Variants in ARL10 observed in about 807,000 individuals in gnomAD.
ARL10 encodes ARF like GTPase 10.
ARL10 carries 23 observed loss-of-function variants against 26.1 expected under a neutral mutation model. That is an observed-to-expected ratio of 0.88 (90% CI 0.63 to 1.25). ARL10 has a LOEUF of 1.25. Among genes scored for constraint, ARL10 ranks in the 50% most tolerant of loss-of-function variants. The pLI, the probability that ARL10 is intolerant of heterozygous loss-of-function variation, is 0.00. For synonymous variants in ARL10, 138 were observed against 149.1 expected (o/e 0.93, Z 0.54); for missense variants, 300 against 323.6 (o/e 0.93, Z 0.56).
At chr5:176,399,598 A>T (rs1020049847) in intron 1 of ARL10, among the ~76,000 whole-genome samples, 3 of 152,092 alleles carry the variant, frequency 2.0e-5, no homozygotes, top group Admixed American at 6.6e-5. Context: ...AGTTTTTTTA[A>T]TTATGGAAAA....
exon 2 of ARL10, chr5:176,388,603 A>C (rs1260649836): frequency 2.7e-6 from 4 of 1,485,754 alleles, no homozygotes; most frequent in Non-Finnish European, 1.9e-6. Flanking sequence ...TCGTGTAACA[A>C]ACTCCTTCCG....
chr5:176,393,819 G>A lies in ARL10; in HGVS notation c.134-7922G>A, dbSNP rs988924887. On this transcript the variant is annotated intron_variant, in intron 1 of 1. Coordinates refer to the ARL10 transcript ENST00000514533. This position sits in a 1 kb window ranked among gnomAD's most constrained non-coding sequence, Gnocchi z 4.4. ...ACAGTCTAGTGGACAAAATCTACAC[G>A]TGGGACTCACTAACAGAAAGACAAT... Among the ~76,000 whole-genome samples, 2 of 152,220 alleles carry A rather than the reference G, an allele frequency of 1.3e-5. No individual in the cohort carries two copies. Among genetic ancestry groups the A allele is most frequent in the East Asian group, 1.9e-4 (1 of 5,202 alleles).
At chr5:176,407,260 G>A in the ARL10 span, among the ~76,000 whole-genome samples, 4 of 152,288 alleles carry the variant, frequency 2.6e-5, no homozygotes, top group East Asian at 5.8e-4. Flanking sequence ...TCTGAGCTTC[G>A]TGATGCTAAT....
At chr5:176,392,501 TCAA>T (rs1756296398), downstream of ARL10, 2 of 426,514 alleles carry the variant, frequency 4.7e-6, no homozygotes, top group Non-Finnish European at 8.4e-6. The surrounding 1 kb of genome is among the most constrained non-coding windows in gnomAD (Gnocchi z 5.2). Flanking sequence ...GTAAAAAGAG[TCAA>T]CAACACACCC....
chr5:176,382,771 AAG>A (rs1755583759), downstream of ARL10, among the ~76,000 whole-genome samples: 2 of 152,118 alleles, frequency 1.3e-5, no homozygotes, highest in African/African-American at 2.4e-5. Flanking sequence ...CAAAACCTAC[AAG>A]ACACACATGG....
At chr5:176,406,259 G>A (rs953079932), downstream of ARL10, 40 of 1,031,066 alleles carry the variant, frequency 3.9e-5, no homozygotes, top group Non-Finnish European at 4.7e-5. Context: ...AAGCTCTGGA[G>A]AGAGAAAGGG....
At chr5:176,370,986 C>G (rs974982397) in intron 3 of ARL10, among the ~76,000 whole-genome samples, 3 of 152,206 alleles carry the variant, frequency 2.0e-5, no homozygotes, top group Non-Finnish European at 2.9e-5. Context: ...TGTCACCTCC[C>G]TGAGCTACTT....
chr5:176,373,672 T>G lies in ARL10; in HGVS notation c.*1777T>G, dbSNP rs1232143773. 6.6e-6 allele frequency: 1 copy of G among 152,248 alleles called. No individual in the cohort carries two copies. Among genetic ancestry groups the G allele is most frequent in the Non-Finnish European group, 1.5e-5 (1 of 68,048 alleles). 9.4% of individuals were successfully genotyped at this position (152,248 alleles called of 1,614,324 possible). A position where few individuals can be genotyped will look rare whatever the true frequency, so the allele number is the denominator to read the frequency against. On this transcript the variant is annotated 3_prime_UTR_variant, in exon 4 of 4. Coordinates refer to ENST00000310389, the MANE Select transcript of ARL10 (RefSeq NM_173664.6). Reference sequence around the variant, plus strand: ...CCTTGGGCGCCATTTGAAGAATCACTGTTCTTGAAAGTGCTGGTTCACTTT... The same window carrying G: ...CCTTGGGCGCCATTTGAAGAATCACGGTTCTTGAAAGTGCTGGTTCACTTT...
intron 1 of ARL10, chr5:176,398,180 T>C (rs1351794083): frequency 4.1e-6 from 3 of 733,256 alleles, no homozygotes; most frequent in Non-Finnish European, 7.0e-6. Flanking sequence ...CTCTGGTGAC[T>C]ACACCTATCT....
intron 2 of ARL10, among the ~76,000 whole-genome samples, chr5:176,367,212 T>C (rs1369092415): frequency 6.6e-6 from 1 of 152,136 alleles, no homozygotes; most frequent in East Asian, 1.9e-4. Context: ...TTTCACCACA[T>C]TGGTCAGGCT....
downstream of ARL10, chr5:176,385,019 C>T: frequency 1.7e-6 from 1 of 588,830 alleles, no homozygotes; most frequent in East Asian, 2.8e-5. Flanking sequence ...GTGAGTGAGA[C>T]TGGAACCAAG....
rs1331133913 is a variant in ARL10, at chr5:176,373,673, G to A, written c.*1778G>A. ...CTTGGGCGCCATTTGAAGAATCACT[G>A]TTCTTGAAAGTGCTGGTTCACTTTC... is the stretch of plus-strand genomic sequence containing the variant. On this transcript the variant is annotated 3_prime_UTR_variant, in exon 4 of 4. Transcript: ENST00000310389. 1 of 152,202 alleles carries A rather than the reference G, an allele frequency of 6.6e-6. No individual in the cohort carries two copies. Among genetic ancestry groups the A allele is most frequent in the African/African-American group, 2.4e-5 (1 of 41,452 alleles). The allele number at this position is 152,202 out of a possible 1,614,324, so 9.4% of individuals were successfully genotyped here. A position where few individuals can be genotyped will look rare whatever the true frequency, so the allele number is the denominator to read the frequency against.
In ARL10 at chr5:176,366,482, G is replaced by A. The variant is rs1392810335; in HGVS notation, c.286G>A (p.Val96Met). The A allele has an allele frequency of 6.2e-7, 1 of 1,614,036 alleles. No individual in the cohort carries two copies. Residue 96 changes from valine to methionine, a missense_variant, in exon 2 of 4, where the codon GTG (valine) becomes ATG (methionine). By Grantham distance (21) the Val-to-Met change is conservative. Coordinates refer to ENST00000310389, the MANE Select transcript of ARL10 (RefSeq NM_173664.6). ...DGAGKSTFLR[V>M]LSGKPPLEGH... is the part of the protein sequence containing the mutation. ...CGCAGGCAAGAGCACGTTCCTGCGC[G>A]TGTTGTCGGGGAAGCCACCGCTGGA...
downstream of ARL10, chr5:176,388,829 C>G: frequency 3.1e-6 from 5 of 1,613,914 alleles, no homozygotes; most frequent in South Asian, 1.1e-5. Context: ...CATGGCGACT[C>G]CCGGCCCTGT....
intron 2 of ARL10, among the ~76,000 whole-genome samples, chr5:176,367,371 G>A (rs192821398): frequency 4.4e-4 from 67 of 152,192 alleles, no homozygotes; most frequent in Non-Finnish European, 1.6e-4. Context: ...GCAGTGGGCA[G>A]TGGCACACCC....
At chr5:176,394,671 C>G (rs375241427) in intron 1 of ARL10, among the ~76,000 whole-genome samples, 5 of 152,026 alleles carry the variant, frequency 3.3e-5, no homozygotes, top group African/African-American at 1.2e-4. Flanking sequence ...CAAAATTAGC[C>G]GGGCATGGTG....
chr5:176,384,105 C>T (rs756642081), downstream of ARL10: 1 of 1,607,222 alleles, frequency 6.2e-7, no homozygotes, highest in South Asian at 1.1e-5. Context: ...TGTGTGTAAC[C>T]TTCTGATTCC....
the ARL10 span, among the ~76,000 whole-genome samples, chr5:176,413,321 C>G: frequency 6.6e-6 from 1 of 152,250 alleles, no homozygotes; most frequent in African/African-American, 2.4e-5. Flanking sequence ...GCTTACGAGG[C>G]CCAGCGGGGG....
At chr5:176,389,276 G>A, downstream of ARL10, 1 of 1,563,974 alleles carries the variant, frequency 6.4e-7, no homozygotes, top group Non-Finnish European at 8.7e-7. Context: ...CCAAAGCGGG[G>A]AATGACCTGC....
Sources: allele counts gnomAD v4.1 joint callset (sites outside exome capture counted in the v4.1 genomes callset), GRCh38; gene constraint gnomAD v4.1.1; non-coding constraint Gnocchi (gnomAD v3.1); transcripts MANE v1.5; gene names NCBI Gene and HGNC (gene_info 2026-07-23, HGNC 2026-07-21).